EBF3: variants seen among roughly 807,000 people sequenced by gnomAD.
The protein encoded by EBF3 is EBF transcription factor 3, also known as transcription factor COE3.
Under a neutral mutation model 77.1 loss-of-function variants are expected in EBF3, and 18 were observed. That is an observed-to-expected ratio of 0.23 (90% confidence interval 0.16 to 0.35). The LOEUF (loss-of-function observed/expected upper bound fraction) is 0.35. Among genes scored for constraint, EBF3 ranks in the 10% least tolerant of loss-of-function variants. The probability of loss-of-function intolerance (pLI) is 1.00; values close to 1 mark genes in which losing one functional copy is unlikely to be tolerated. For missense variants in EBF3, 558 were observed against 860.0 expected, an observed-to-expected ratio of 0.65 and a Z score of 4.39; for synonymous variants, 350 against 343.5, an observed-to-expected ratio of 1.02 and a Z score of -0.21.
intron 6 of EBF3, among the ~76,000 whole-genome samples, chr10:129,893,680 C>T (rs1274863850): frequency 6.6e-6 from 1 of 152,218 alleles, no homozygotes; most frequent in Non-Finnish European, 1.5e-5. Flanking sequence ...CGAGCCTCTC[C>T]AGCTAATCTG....
chr10:129,876,885 A>ACCCACCCCCCC (rs1852812156), intron 7 of EBF3, among the ~76,000 whole-genome samples: 1 of 42,368 alleles, frequency 2.4e-5, no homozygotes, highest in African/African-American at 8.2e-5. Context: ...TCATCCCTGA[A>ACCCACCCCCCC]CCCCCCCCCC....
Position 129,944,240 on chromosome 10 carries a change from C to T in EBF3, c.554+13018G>A, listed in dbSNP as rs753827505. Among the ~76,000 whole-genome samples, 14 of 152,084 alleles carry T rather than the reference C, an allele frequency of 9.2e-5. No individual in the cohort carries two copies. Among genetic ancestry groups the T allele is most frequent in the Non-Finnish European group, 2.1e-4 (14 of 68,000 alleles). On this transcript the variant is annotated intron_variant, in intron 6 of 16. Coordinates refer to ENST00000440978, the MANE Select transcript of EBF3 (RefSeq NM_001375380.1). The surrounding 1 kb of genome is among the most constrained non-coding windows in gnomAD (Gnocchi z 5.1). ...AACATTAAAATATATTGTTTATTTGCGGGTGGGGTCATTTCTCCTTTCAGA... is the reference window on the plus strand; with the variant it reads ...AACATTAAAATATATTGTTTATTTGTGGGTGGGGTCATTTCTCCTTTCAGA...
At chr10:129,840,167 G>T in intron 15 of EBF3, 78 bp downstream of exon 15, 1 of 1,472,512 alleles carries the variant, frequency 6.8e-7, no homozygotes, top group Admixed American at 2.2e-5. Flanking sequence ...CAGGAGAAAG[G>T]CCGAGCCCCC....
chr10:129,962,105 C>T, intron 4 of EBF3, 66 bp downstream of exon 4: 2 of 1,511,490 alleles, frequency 1.3e-6, no homozygotes, highest in Non-Finnish European at 1.8e-6. Flanking sequence ...AGTGCCCTTG[C>T]CTCTGAAGCC....
chr10:129,886,876 G>A (rs1377857169), intron 6 of EBF3, among the ~76,000 whole-genome samples: 1 of 152,054 alleles, frequency 6.6e-6, no homozygotes, highest in African/African-American at 2.4e-5. Context: ...GTCGTGTGGG[G>A]TGCAGGAGAC....
rs757292504 is a variant in EBF3 at position 129,963,595 on chromosome 10, G to A, written c.134+40C>T. ...CCGGCGGAGGGGGCCGGGCCGGGCC[G>A]GGGCCGGGGCCAGGGCGCGCGGGGG... On this transcript the variant is annotated intron_variant, in intron 1 of 16. Transcript: ENST00000440978. The surrounding 1 kb of genome is among the most constrained non-coding windows in gnomAD (Gnocchi z 7.1). The A allele has an allele frequency of 1.0e-5, 13 of 1,244,228 alleles. No individual in the cohort carries two copies. The South Asian group carries it at 2.1e-4, about 20-fold the overall frequency. The allele number at this position is 1,244,228 out of a possible 1,614,324, so 77.1% of individuals were successfully genotyped here. A position where few individuals can be genotyped will look rare whatever the true frequency, so the allele number is the denominator to read the frequency against.
In EBF3 at chr10:129,963,951, C is replaced by T; in HGVS notation, c.-183G>A. ...CGACATACACCAGCGGCCGGGCGCTCCGGACGGCCAGGGGCGCGGAGGCGG... is the reference window on the plus strand; with the variant it reads ...CGACATACACCAGCGGCCGGGCGCTTCGGACGGCCAGGGGCGCGGAGGCGG... On this transcript the variant is annotated 5_prime_UTR_variant, in exon 1 of 17. Coordinates refer to ENST00000440978, the MANE Select transcript of EBF3 (RefSeq NM_001375380.1). The surrounding 1 kb of genome is among the most constrained non-coding windows in gnomAD (Gnocchi z 7.1). The T allele has an allele frequency of 3.8e-6, 4 of 1,040,638 alleles. No individual in the cohort carries two copies. Among genetic ancestry groups the T allele is most frequent in the Non-Finnish European group, 4.6e-6 (4 of 868,146 alleles). 64.5% of individuals were successfully genotyped at this position (1,040,638 alleles called of 1,614,324 possible).
intron 7 of EBF3, among the ~76,000 whole-genome samples, chr10:129,874,425 C>T (rs967881315): frequency 2.0e-5 from 3 of 152,164 alleles, no homozygotes; most frequent in Non-Finnish European, 2.9e-5. Context: ...ACTCCATAGA[C>T]CTGCCCAGGG....
intron 10 of EBF3, among the ~76,000 whole-genome samples, chr10:129,857,932 C>CA (rs1211911183): frequency 6.6e-6 from 1 of 152,240 alleles, no homozygotes; most frequent in Non-Finnish European, 1.5e-5. Flanking sequence ...TCACATAAGA[C>CA]ACCGTGCTCA....
rs1028444617 is a variant in EBF3, at chr10:129,963,394, A to G, written c.264T>C (p.Ala88=). The change falls in exon 2 of 17, where the codon GCT becomes GCC. Residue 88 remains alanine, a synonymous_variant. Coordinates refer to ENST00000440978, the MANE Select transcript of EBF3 (RefSeq NM_001375380.1). This position sits in a 1 kb window ranked among gnomAD's most constrained non-coding sequence, Gnocchi z 7.1. ...QGQPVEIERT[A]FVDFVEKEKE... is the part of the protein sequence containing the mutation. ...TCTCTTTCTCCACAAAGTCCACAAAAGCGGTCCTTTCAATCTCCACCGGCT... is the reference window on the plus strand; with the variant it reads ...TCTCTTTCTCCACAAAGTCCACAAAGGCGGTCCTTTCAATCTCCACCGGCT... 3 of 1,589,430 alleles carry G rather than the reference A, an allele frequency of 1.9e-6. No individual in the cohort carries two copies. The highest frequency in any genetic ancestry group is 2.6e-6 in the Non-Finnish European group (3 of 1,168,004).
At position 129,840,432 on chromosome 10, in the gene EBF3, G is replaced by A. The variant is rs1443930130; in HGVS notation, c.1572C>T (p.Ser524=). The A allele has an allele frequency of 1.9e-6, 3 of 1,551,224 alleles. No individual in the cohort carries two copies. The highest frequency in any genetic ancestry group is 2.6e-6 in the Non-Finnish European group (3 of 1,146,918). ...CCGAAGAGGCTGCCATGGTGGGGCT[G>A]GACGGCACTACTGCAACAAAGCAAA... is the stretch of plus-strand genomic sequence containing the variant. ...SANSPYGIVP[S]SPTMAASSVT... Residue 524 remains serine, a synonymous_variant, in exon 15 of 17, where the codon TCC becomes TCT. Coordinates refer to ENST00000440978, the MANE Select transcript of EBF3 (RefSeq NM_001375380.1).
intron 6 of EBF3, among the ~76,000 whole-genome samples, chr10:129,882,229 A>G (rs190435933): frequency 6.6e-6 from 1 of 152,368 alleles, no homozygotes; most frequent in Admixed American, 6.5e-5. Flanking sequence ...CCTGTGTAAT[A>G]TCCATTACAT....
rs181582410 is a variant in EBF3 at position 129,954,082 on chromosome 10, G to A, written c.554+3176C>T. Among the ~76,000 whole-genome samples, 53 of 152,270 alleles carry A rather than the reference G, an allele frequency of 3.5e-4. 2 individuals carry two copies. In the East Asian group the frequency reaches 9.1e-3, roughly 26 times the overall value. ...TCAGCAATACCATTAAAAATCATTT[G>A]TGTGTGTATGTACAGAAGGTGTACA... On this transcript the variant is annotated intron_variant, in intron 6 of 16. Transcript: ENST00000440978.
chr10:129,961,591 G>C (rs1352221380), intron 4 of EBF3, among the ~76,000 whole-genome samples: 1 of 152,172 alleles, frequency 6.6e-6, no homozygotes, highest in African/African-American at 2.4e-5. Flanking sequence ...GCAGTGGACG[G>C]GTTGGAGTGA....
intron 6 of EBF3, among the ~76,000 whole-genome samples, chr10:129,898,733 G>T (rs573206818): frequency 3.3e-5 from 5 of 152,158 alleles, no homozygotes; most frequent in Non-Finnish European, 5.9e-5. Context: ...ATATTTAATT[G>T]ATCAATATGC....
At chr10:129,844,971 T>C (rs1850351158) in intron 11 of EBF3, among the ~76,000 whole-genome samples, 2 of 152,222 alleles carry the variant, frequency 1.3e-5, no homozygotes, top group African/African-American at 2.4e-5. Flanking sequence ...GCAATTAAGA[T>C]TGCTGCATTT....
At position 129,846,245 on chromosome 10, in the gene EBF3, CCT is replaced by C. The variant is rs149305974; in HGVS notation, c.1128+2145_1128+2146del. 4.3e-3 allele frequency among the ~76,000 whole-genome samples: 649 copies of C among 151,880 alleles called. 9 individuals carry two copies. The highest frequency in any genetic ancestry group is 0.015 in the African/African-American group (612 of 41,438). The stretch of plus-strand genomic sequence containing the variant: ...GTAAACTTCAATTCAAGCCAACCCC[CCT>C]CTCTCAGAAGCAACACTATTCGCGT... On this transcript the variant is annotated intron_variant, in intron 11 of 16. Coordinates refer to ENST00000440978, the MANE Select transcript of EBF3 (RefSeq NM_001375380.1).
At chr10:129,886,505 C>T (rs1463331901) in intron 6 of EBF3, among the ~76,000 whole-genome samples, 1 of 152,190 alleles carries the variant, frequency 6.6e-6, no homozygotes, top group South Asian at 2.1e-4. Context: ...GAGCCAGGAG[C>T]CATAAATTAA....
chr10:129,903,263 T>G (rs893870503), intron 6 of EBF3, among the ~76,000 whole-genome samples: 1 of 152,212 alleles, frequency 6.6e-6, no homozygotes, highest in Non-Finnish European at 1.5e-5. Flanking sequence ...ATCAAAACCA[T>G]AAGGCCAATT....
Sources: allele counts gnomAD v4.1 joint callset (sites outside exome capture counted in the v4.1 genomes callset), GRCh38; gene constraint gnomAD v4.1.1; non-coding constraint Gnocchi (gnomAD v3.1); transcripts MANE v1.5; gene names NCBI Gene and HGNC (gene_info 2026-07-23, HGNC 2026-07-21).